The following PRIM2 variants were observed in gnomAD, a reference collection of about 807,000 sequenced individuals.
PRIM2 encodes DNA primase subunit 2, also known as DNA primase large subunit.
Under a neutral mutation model 67.3 loss-of-function variants are expected in PRIM2, and 39 were observed. That is an observed-to-expected ratio of 0.58 (90% CI 0.45 to 0.76). The LOEUF is 0.76. PRIM2 is among the 30% of genes least tolerant of loss of function. PRIM2 has a pLI of 0.00. For missense variants in PRIM2, 398 were observed against 598.7 expected (o/e 0.66, Z 3.50); for synonymous variants, 143 against 198.7 (o/e 0.72, Z 2.36).
intron 12 of PRIM2, among the ~76,000 whole-genome samples, chr6:57,616,065 T>G (rs1481986057): frequency 7.2e-4 from 110 of 152,328 alleles, no homozygotes; most frequent in African/African-American, 2.0e-3. Flanking sequence ...CACAATGAAG[T>G]TAACATCTTT....
intron 5 of PRIM2, among the ~76,000 whole-genome samples, chr6:57,340,328 C>T (rs1768427165): frequency 6.6e-6 from 1 of 152,108 alleles, no homozygotes; most frequent in Admixed American, 6.6e-5. Flanking sequence ...ACTAGAAGTA[C>T]CATTTGACCC....
chr6:57,530,631 T>C (rs1302203726), intron 8 of PRIM2, among the ~76,000 whole-genome samples: 10 of 152,200 alleles, frequency 6.6e-5, no homozygotes, highest in African/African-American at 2.4e-4. Context: ...ATTAGTCTAC[T>C]CATCCTGCTC....
At chr6:57,635,489 A>G (rs1187414354) in intron 13 of PRIM2, among the ~76,000 whole-genome samples, 1 of 152,260 alleles carries the variant, frequency 6.6e-6, no homozygotes, top group Admixed American at 6.5e-5. Context: ...TGTATAAATG[A>G]AAACACTAGG....
At chr6:57,419,522 G>T (rs1771393127) in intron 7 of PRIM2, among the ~76,000 whole-genome samples, 2 of 152,178 alleles carry the variant, frequency 1.3e-5, no homozygotes, top group Admixed American at 1.3e-4. Flanking sequence ...TAGGAACAAG[G>T]TGTGGTTTCC....
At chr6:57,352,099 G>A (rs1276983359) in intron 5 of PRIM2, among the ~76,000 whole-genome samples, 1 of 152,172 alleles carries the variant, frequency 6.6e-6, no homozygotes, top group African/African-American at 2.4e-5. Flanking sequence ...AATTAAACAA[G>A]TGATCTTATT....
chr6:57,248,428 G>A, the PRIM2 span, among the ~76,000 whole-genome samples: 26 of 152,122 alleles, frequency 1.7e-4, no homozygotes, highest in Middle Eastern at 3.4e-3. Flanking sequence ...TTGGTGTTTC[G>A]AACAAATAAT....
chr6:57,544,632 G>A (rs1327736807), intron 10 of PRIM2, among the ~76,000 whole-genome samples: 2 of 152,088 alleles, frequency 1.3e-5, no homozygotes, highest in African/African-American at 4.8e-5. Context: ...AATGATATTG[G>A]TTACTTGCTA....
At chr6:57,574,613 T>C (rs1181197538) in intron 10 of PRIM2, among the ~76,000 whole-genome samples, 48 of 151,618 alleles carry the variant, frequency 3.2e-4, no homozygotes, top group African/African-American at 1.0e-3. Flanking sequence ...TCTGTCATCA[T>C]CACCACCAAC....
At chr6:57,542,256 G>A (rs1432118959) in intron 10 of PRIM2, among the ~76,000 whole-genome samples, 1 of 152,324 alleles carries the variant, frequency 6.6e-6, no homozygotes, top group East Asian at 1.9e-4. Flanking sequence ...GATTACAAGC[G>A]TGAGCTACTG....
At chr6:57,448,467 C>T (rs1054974582) in intron 7 of PRIM2, among the ~76,000 whole-genome samples, 2 of 152,200 alleles carry the variant, frequency 1.3e-5, no homozygotes, top group Non-Finnish European at 2.9e-5. Context: ...GAGCATGGCC[C>T]AGGGAAGCAC....
chr6:57,334,799 C>T (rs1019113773), intron 5 of PRIM2, among the ~76,000 whole-genome samples: 1 of 152,088 alleles, frequency 6.6e-6, no homozygotes, highest in African/African-American at 2.4e-5. Flanking sequence ...GCAGCATATG[C>T]CTGTATTGTG....
the PRIM2 span, among the ~76,000 whole-genome samples, chr6:57,273,892 C>T: frequency 3.9e-5 from 6 of 152,234 alleles, no homozygotes; most frequent in Non-Finnish European, 7.3e-5. Context: ...TAGAGGTCCA[C>T]TCCAGACCCT....
At chr6:57,616,874 A>C (rs1776765898) in intron 12 of PRIM2, among the ~76,000 whole-genome samples, 1 of 152,238 alleles carries the variant, frequency 6.6e-6, no homozygotes, top group Non-Finnish European at 1.5e-5. Context: ...TGAATATTTC[A>C]TAAAATAGCA....
chr6:57,586,265 A>G (rs1318286296), intron 10 of PRIM2, among the ~76,000 whole-genome samples: 22 of 152,174 alleles, frequency 1.4e-4, no homozygotes, highest in Non-Finnish European at 2.6e-4. Flanking sequence ...GAGTCATAAG[A>G]TAATTATCTG....
intron 7 of PRIM2, among the ~76,000 whole-genome samples, chr6:57,397,104 T>A (rs1329949234): frequency 6.6e-6 from 1 of 152,182 alleles, no homozygotes; most frequent in Non-Finnish European, 1.5e-5. Context: ...TAGGATTCTT[T>A]CCTTCATCCT....
chr6:57,531,035 C>T (rs1349886132), intron 8 of PRIM2, among the ~76,000 whole-genome samples: 1 of 152,162 alleles, frequency 6.6e-6, no homozygotes, highest in African/African-American at 2.4e-5. Context: ...ATTGTTTAAT[C>T]AGTAAAATTG....
intron 10 of PRIM2, among the ~76,000 whole-genome samples, chr6:57,540,333 A>G (rs1325611849): frequency 0.017 from 2,661 of 152,164 alleles, 85 homozygotes; most frequent in African/African-American, 0.06. Context: ...GAAGTTGACA[A>G]GTCTCAAGAT....
chr6:57,415,514 A>C (rs536494747), intron 7 of PRIM2, among the ~76,000 whole-genome samples: 1 of 152,260 alleles, frequency 6.6e-6, no homozygotes, highest in East Asian at 1.9e-4. Context: ...GTCTTCAGTG[A>C]GTTGTAATCT....
chr6:57,429,964 A>G (rs1771763534), intron 7 of PRIM2, among the ~76,000 whole-genome samples: 1 of 152,174 alleles, frequency 6.6e-6, no homozygotes, highest in Middle Eastern at 3.2e-3. Flanking sequence ...TCCAACCCCT[A>G]TATTCTCACT....
Sources: gnomAD v4.1 joint callset for allele counts (sites outside exome capture counted in the v4.1 genomes callset) on GRCh38, gnomAD v4.1.1 for gene constraint, MANE v1.5 for transcripts, NCBI Gene and HGNC (gene_info 2026-07-23, HGNC 2026-07-21) for gene names.